The following NUTM2B variants were observed in gnomAD, a reference collection of about 807,000 sequenced individuals.
NUTM2B encodes family with sequence similarity 22, member B.
In NUTM2B, 2 loss-of-function variants were observed where a neutral mutation model predicts 42.4. The observed-to-expected ratio is 0.05, with a 90% confidence interval of 0.02 to 0.15. The LOEUF (loss-of-function observed/expected upper bound fraction) is 0.15, where lower values mean the gene tolerates loss of function less well. Among genes scored for constraint, NUTM2B ranks in the 10% least tolerant of loss-of-function variants. The pLI, the probability that NUTM2B is intolerant of heterozygous loss-of-function variation, is 1.00. For missense variants in NUTM2B, 58 were observed against 952.6 expected, an observed-to-expected ratio of 0.06 and a Z score of 12.36; for synonymous variants, 18 against 402.4, an observed-to-expected ratio of 0.04 and a Z score of 11.43.
intron 2 of NUTM2B, among the ~76,000 whole-genome samples, chr10:79,707,102 A>G (rs1335940612): frequency 1.6e-5 from 2 of 128,728 alleles, no homozygotes; most frequent in African/African-American, 6.1e-5. Flanking sequence ...TTAACCCAGT[A>G]TTGATGGCCA....
chr10:79,693,263 G>A, the NUTM2B span, among the ~76,000 whole-genome samples: 1 of 152,216 alleles, frequency 6.6e-6, no homozygotes, highest in Non-Finnish European at 1.5e-5. Context: ...CAGTTCCTCA[G>A]TGGCCTCACT....
rs1227970522 is a variant in NUTM2B, at chr10:79,710,928, G to A, written c.1734+164G>A. ...TGTGTCTGTGTGTTGCTGTGTGTTT[G>A]TGTCTGTGGTTTGTTACTGTGTGTC... On this transcript the variant is annotated intron_variant, in intron 5 of 6. Coordinates refer to ENST00000429828, the Ensembl canonical transcript of NUTM2B. Among the ~76,000 whole-genome samples the A allele has an allele frequency of 3.0e-5, 4 of 134,008 alleles. No individual in the cohort carries two copies. In the Admixed American group the frequency reaches 3.1e-4, roughly 10 times the overall value. The allele number at this position is 134,008 out of a possible 152,430, so 87.9% of individuals were successfully genotyped here. A position where few individuals can be genotyped will look rare whatever the true frequency, so the allele number is the denominator to read the frequency against.
At chr10:79,694,863 A>C in the NUTM2B span, among the ~76,000 whole-genome samples, 1 of 151,206 alleles carries the variant, frequency 6.6e-6, no homozygotes, top group Admixed American at 6.6e-5. Context: ...CCTCTCCTTG[A>C]CTCTACCCTC....
At chr10:79,695,826 C>T in the NUTM2B span, among the ~76,000 whole-genome samples, 1 of 151,688 alleles carries the variant, frequency 6.6e-6, no homozygotes. Context: ...CTACCAGGCC[C>T]ACCCATCTGA....
chr10:79,709,201 C>T (rs1240804707), intron 3 of NUTM2B, among the ~76,000 whole-genome samples: 1 of 121,484 alleles, frequency 8.2e-6, no homozygotes, highest in Non-Finnish European at 1.6e-5. Flanking sequence ...GGCCAGAAGT[C>T]GGTTTTCTCC....
intron 1 of NUTM2B, among the ~76,000 whole-genome samples, chr10:79,705,833 G>T (rs564599795): frequency 1.3e-5 from 2 of 148,504 alleles, no homozygotes; most frequent in Non-Finnish European, 3.0e-5. Flanking sequence ...GGAGACAGGG[G>T]TCAGGGAGTC....
upstream of NUTM2B, among the ~76,000 whole-genome samples, chr10:79,699,918 CAAAAT>C: frequency 6.6e-6 from 1 of 152,320 alleles, no homozygotes. Context: ...CTCCAAAATC[CAAAAT>C]AAATCTTCCT....
At chr10:79,702,485 T>TTGCCCC (rs745663623), upstream of NUTM2B, among the ~76,000 whole-genome samples, 362 of 151,696 alleles carry the variant, frequency 2.4e-3, no homozygotes, top group Middle Eastern at 3.4e-3. Flanking sequence ...AATCCACCAC[T>TTGCCCC]TGCCCCTGCC....
chr10:79,693,760 AAC>A, the NUTM2B span, among the ~76,000 whole-genome samples: 3 of 152,190 alleles, frequency 2.0e-5, no homozygotes, highest in African/African-American at 7.2e-5. Flanking sequence ...CCGCCAACAA[AAC>A]ACAATACAAC....
In NUTM2B at chr10:79,709,942, A is replaced by C; in HGVS notation, c.1351+3A>C. 1.8e-6 allele frequency: 1 copy of C among 564,878 alleles called. No individual in the cohort carries two copies. The highest frequency in any genetic ancestry group is 2.7e-6 in the Non-Finnish European group (1 of 377,070). The allele number at this position is 564,878 out of a possible 1,614,324, so 35.0% of individuals were successfully genotyped here. ...CCCTGAGGTGGTCAAGCAGCCAGGTATGGCTTCCCACATTCCCACAGGAGC... is the reference window on the plus strand; with the variant it reads ...CCCTGAGGTGGTCAAGCAGCCAGGTCTGGCTTCCCACATTCCCACAGGAGC... On this transcript the variant is annotated splice_donor_region_variant and intron_variant, in intron 4 of 6. Coordinates refer to ENST00000429828, the Ensembl canonical transcript of NUTM2B.
intron 1 of NUTM2B, among the ~76,000 whole-genome samples, chr10:79,704,661 G>A (rs879562459): frequency 1.9e-4 from 26 of 136,868 alleles, no homozygotes; most frequent in Admixed American, 3.7e-4. Context: ...GGCAACACAG[G>A]GCCTGGGTTT....
chr10:79,701,340 T>C (rs193198956), upstream of NUTM2B, among the ~76,000 whole-genome samples: 15 of 152,126 alleles, frequency 9.9e-5, no homozygotes, highest in African/African-American at 3.6e-4. Flanking sequence ...AAGCAGCAGA[T>C]AGTAAGGGAA....
At chr10:79,700,176 C>T (rs548573257), upstream of NUTM2B, among the ~76,000 whole-genome samples, 124 of 152,384 alleles carry the variant, frequency 8.1e-4, 1 homozygote, top group African/African-American at 2.7e-3. Context: ...TTCCACTTTG[C>T]AGCTGCTCCT....
At chr10:79,695,133 T>G in the NUTM2B span, among the ~76,000 whole-genome samples, 1 of 152,110 alleles carries the variant, frequency 6.6e-6, no homozygotes. Context: ...ACTTCCTTGT[T>G]GCTCCTCCAC....
At chr10:79,700,003 A>T (rs1462909828), upstream of NUTM2B, among the ~76,000 whole-genome samples, 1 of 152,278 alleles carries the variant, frequency 6.6e-6, no homozygotes, top group Non-Finnish European at 1.5e-5. Context: ...TTTTAGATAC[A>T]TGTGTAGCCT....
chr10:79,693,977 G>A, the NUTM2B span, among the ~76,000 whole-genome samples: 1 of 152,226 alleles, frequency 6.6e-6, no homozygotes, highest in Non-Finnish European at 1.5e-5. Context: ...AAATCCTCGG[G>A]TGAGTCTGAG....
chr10:79,700,950 GAAAC>G, upstream of NUTM2B, among the ~76,000 whole-genome samples: 1 of 152,226 alleles, frequency 6.6e-6, no homozygotes, highest in Non-Finnish European at 1.5e-5. Flanking sequence ...GTGCCTCTGA[GAAAC>G]CAGCGCGTCC....
upstream of NUTM2B, among the ~76,000 whole-genome samples, chr10:79,701,017 G>C (rs1349228068): frequency 6.6e-6 from 1 of 152,194 alleles, no homozygotes; most frequent in Non-Finnish European, 1.5e-5. Flanking sequence ...CATGCACTTA[G>C]GTAACACCCT....
At chr10:79,700,931 T>G (rs1343179246), upstream of NUTM2B, among the ~76,000 whole-genome samples, 1 of 152,206 alleles carries the variant, frequency 6.6e-6, no homozygotes, top group East Asian at 1.9e-4. Flanking sequence ...CATTGGAACC[T>G]CCATGACCGT....
Sources: allele counts gnomAD v4.1 joint callset (sites outside exome capture counted in the v4.1 genomes callset), GRCh38; gene constraint gnomAD v4.1.1; transcripts MANE v1.5; gene names NCBI Gene and HGNC (gene_info 2026-07-23, HGNC 2026-07-21).